Variants in PYHIN1 observed in about 807,000 individuals in gnomAD.
PYHIN1 encodes pyrin and HIN domain-containing protein 1.
A neutral mutation model predicts 43.7 loss-of-function variants in PYHIN1; 32 were observed. That is an observed-to-expected ratio of 0.73 (90% confidence interval 0.55 to 0.98). PYHIN1 has a LOEUF of 0.98. Among genes scored for constraint, PYHIN1 ranks in the 50% least tolerant of loss-of-function variants. The pLI, the probability that PYHIN1 is intolerant of heterozygous loss-of-function variation, is 0.00. For synonymous variants in PYHIN1, 205 were observed against 203.1 expected (o/e 1.01, Z -0.08); for missense variants, 588 against 589.5 (o/e 1.00, Z 0.03).
chr1:158,940,507 T>C (rs75842008), intron 4 of PYHIN1, among the ~76,000 whole-genome samples: 13,068 of 152,224 alleles, frequency 0.086, 761 homozygotes, highest in Non-Finnish European at 0.12. Flanking sequence ...TATAATGCTG[T>C]ACTCATCTCA....
chr1:158,977,309 G>C (rs1158775528), downstream of PYHIN1, among the ~76,000 whole-genome samples: 1 of 152,094 alleles, frequency 6.6e-6, no homozygotes, highest in Non-Finnish European at 1.5e-5. Flanking sequence ...GCCAAAACTA[G>C]AGATATCTTT....
At chr1:158,949,866 C>T (rs913754640) in intron 7 of PYHIN1, among the ~76,000 whole-genome samples, 2 of 152,220 alleles carry the variant, frequency 1.3e-5, no homozygotes, top group South Asian at 2.1e-4. Flanking sequence ...AATTGCATTA[C>T]CCAGTTTGAG....
At chr1:158,962,632 T>C (rs1326539742) in intron 7 of PYHIN1, among the ~76,000 whole-genome samples, 1 of 152,198 alleles carries the variant, frequency 6.6e-6, no homozygotes, top group African/African-American at 2.4e-5. Context: ...GCAGTGGCAC[T>C]GCCCTAACTG....
At chr1:158,976,604 A>T in intron 8 of PYHIN1, 97 bp from the exon 9 acceptor site, 2 of 829,916 alleles carry the variant, frequency 2.4e-6, no homozygotes, top group Middle Eastern at 2.3e-4. Flanking sequence ...AGAAGAAGAG[A>T]TGTGGCTCAC....
rs1648609496 is a variant in PYHIN1 at position 158,937,157 on chromosome 1, A to G, written c.247A>G (p.Lys83Glu). Residue 83 changes from lysine to glutamate, a missense_variant, in exon 2 of 9, where the codon AAA becomes GAA. Coordinates refer to ENST00000368140, the MANE Select transcript of PYHIN1 (RefSeq NM_152501.5). ...ACTGGGAGACCTTGCTGAAACTCTT[A>G]AAAGAGAAAAGTTAAAAGGTAATTG... ...PTLGDLAETL[K>E]REKLKVANKI... is the part of the protein sequence containing the mutation. 6.3e-7 allele frequency: 1 copy of G among 1,590,722 alleles called. No homozygotes were observed. Among genetic ancestry groups the G allele is most frequent in the South Asian group, 1.2e-5 (1 of 86,346 alleles).
chr1:158,968,185 C>T (rs2101725593), intron 7 of PYHIN1, among the ~76,000 whole-genome samples: 1 of 151,842 alleles, frequency 6.6e-6, no homozygotes, highest in East Asian at 1.9e-4. Context: ...AAAAAAATTG[C>T]AAACTTTGCA....
intron 7 of PYHIN1, among the ~76,000 whole-genome samples, chr1:158,953,348 C>T (rs940584932): frequency 3.3e-5 from 5 of 150,320 alleles, no homozygotes; most frequent in Admixed American, 2.0e-4. Flanking sequence ...CTTAAATGTC[C>T]CTGTCTGACA....
chr1:158,964,595 AG>A (rs1401197443), intron 7 of PYHIN1, among the ~76,000 whole-genome samples: 1 of 152,240 alleles, frequency 6.6e-6, no homozygotes, highest in Non-Finnish European at 1.5e-5. Context: ...GCATTCTTAA[AG>A]AAAATAATTT....
chr1:158,937,944 CAAA>C (rs11444947), intron 2 of PYHIN1, among the ~76,000 whole-genome samples: 4 of 114,192 alleles, frequency 3.5e-5, no homozygotes, highest in African/African-American at 1.1e-4. Context: ...GACTCCGTCT[CAAA>C]AAAAAAAAAA....
intron 7 of PYHIN1, among the ~76,000 whole-genome samples, chr1:158,961,695 C>G (rs1208817946): frequency 6.6e-6 from 1 of 152,142 alleles, no homozygotes; most frequent in East Asian, 1.9e-4. Context: ...CCACCCTGGG[C>G]TCAGGAGATA....
chr1:158,968,007 A>C (rs965185534), intron 7 of PYHIN1, among the ~76,000 whole-genome samples: 9 of 151,990 alleles, frequency 5.9e-5, no homozygotes, highest in African/African-American at 2.2e-4. Flanking sequence ...GATGACCTAG[A>C]AAATACCATT....
intron 7 of PYHIN1, among the ~76,000 whole-genome samples, chr1:158,949,227 T>A (rs1649387750): frequency 6.6e-6 from 1 of 152,154 alleles, no homozygotes; most frequent in Admixed American, 6.5e-5. Flanking sequence ...GATGCCATGA[T>A]GGATGAGGAC....
intron 7 of PYHIN1, among the ~76,000 whole-genome samples, chr1:158,951,450 C>T (rs1385759491): frequency 3.3e-5 from 5 of 152,130 alleles, no homozygotes; most frequent in African/African-American, 1.2e-4. Context: ...TAAGCAGAAT[C>T]GCTAACTATA....
chr1:158,978,467 C>T (rs1328518230), downstream of PYHIN1, among the ~76,000 whole-genome samples: 3 of 152,240 alleles, frequency 2.0e-5, no homozygotes, highest in Admixed American at 2.0e-4. Flanking sequence ...GAAGATGTCA[C>T]AAACTGCTAA....
intron 5 of PYHIN1, 85 bp downstream of exon 5, chr1:158,942,484 A>G: frequency 9.4e-7 from 1 of 1,062,866 alleles, no homozygotes; most frequent in East Asian, 2.4e-5. Flanking sequence ...AAGTTTGCAT[A>G]TTACTTAACA....
intron 7 of PYHIN1, among the ~76,000 whole-genome samples, chr1:158,946,797 G>C (rs1036311366): frequency 2.6e-5 from 4 of 152,178 alleles, no homozygotes; most frequent in Non-Finnish European, 4.4e-5. Flanking sequence ...TTCACAAAGA[G>C]AGGGTCCTGT....
At chr1:158,954,668 C>T (rs1033547825) in intron 7 of PYHIN1, among the ~76,000 whole-genome samples, 3 of 147,532 alleles carry the variant, frequency 2.0e-5, no homozygotes, top group East Asian at 2.0e-4. Context: ...TAAAGACCAT[C>T]GAGACTAGGA....
At chr1:158,939,658 C>T (rs1648793664) in intron 4 of PYHIN1, 6 of 777,778 alleles carry the variant, frequency 7.7e-6, no homozygotes, top group Non-Finnish European at 1.3e-5. Context: ...CCTGGCCAAC[C>T]CTATCCACCC....
chr1:158,950,373 C>T (rs1649460849), intron 7 of PYHIN1, among the ~76,000 whole-genome samples: 1 of 152,162 alleles, frequency 6.6e-6, no homozygotes, highest in African/African-American at 2.4e-5. Context: ...GGGCTTGTGT[C>T]ATCCGAGGAA....
Sources: gnomAD v4.1 joint callset for allele counts (sites outside exome capture counted in the v4.1 genomes callset) on GRCh38, gnomAD v4.1.1 for gene constraint, MANE v1.5 for transcripts, NCBI Gene and HGNC (gene_info 2026-07-23, HGNC 2026-07-21) for gene names.